Variants in RERE observed in about 807,000 individuals in gnomAD.
RERE encodes arginine-glutamic acid dipeptide repeats protein.
RERE carries 40 observed loss-of-function variants against 146.1 expected under a neutral mutation model. The ratio of observed to expected loss-of-function variants is 0.27; its 90% CI spans 0.21 to 0.36. RERE has a LOEUF of 0.36. RERE is among the 10% of genes least tolerant of loss of function. The pLI, the probability that RERE is intolerant of heterozygous loss-of-function variation, is 1.00. For synonymous variants in RERE, 1,003 were observed against 866.0 expected, an observed-to-expected ratio of 1.16 and a Z score of -2.78; for missense variants, 1,933 against 2,138.7, an observed-to-expected ratio of 0.90 and a Z score of 1.90.
intron 11 of RERE, among the ~76,000 whole-genome samples, chr1:8,436,089 G>C (rs571949001): frequency 6.6e-6 from 1 of 152,318 alleles, no homozygotes; most frequent in Non-Finnish European, 1.5e-5. Context: ...GGGAGGCTGA[G>C]GCAGGCAGAT....
At chr1:8,526,145 A>G (rs1006058708) in intron 7 of RERE, 11 of 883,650 alleles carry the variant, frequency 1.2e-5, no homozygotes, top group Non-Finnish European at 1.4e-5. Flanking sequence ...AAGGGGATCC[A>G]AGACAGCCAA....
At chr1:8,373,937 C>T (rs1411438022) in intron 12 of RERE, among the ~76,000 whole-genome samples, 1 of 152,234 alleles carries the variant, frequency 6.6e-6, no homozygotes, top group African/African-American at 2.4e-5. Flanking sequence ...TGGGCTCCTT[C>T]TTTTGTTAAC....
At position 8,805,015 on chromosome 1, in the gene RERE, T is replaced by G. The variant is rs541244408; in HGVS notation, c.-145+12145A>C. Among the ~76,000 whole-genome samples, 289 of 142,034 alleles carry G rather than the reference T, an allele frequency of 2.0e-3. 5 individuals carry two copies. Among genetic ancestry groups the G allele is most frequent in the African/African-American group, 6.5e-3 (251 of 38,642 alleles). 93.2% of individuals were successfully genotyped at this position (142,034 alleles called of 152,430 possible). ...TGTTTTGTTTTGTTTTTGGTTTTTTTTTTTTTTTTTTTTGAGACAGAGTCT... is the reference window on the plus strand; with the variant it reads ...TGTTTTGTTTTGTTTTTGGTTTTTTGTTTTTTTTTTTTTGAGACAGAGTCT... On this transcript the variant is annotated intron_variant, in intron 1 of 22. Coordinates refer to ENST00000400908, the MANE Select transcript of RERE (RefSeq NM_001042681.2).
chr1:8,441,388 C>T (rs1190217253), intron 11 of RERE, among the ~76,000 whole-genome samples: 1 of 152,212 alleles, frequency 6.6e-6, no homozygotes, highest in Non-Finnish European at 1.5e-5. Flanking sequence ...GCCCCCCTCT[C>T]ACTTCACAAA....
At chr1:8,415,682 G>C (rs988854134) in intron 12 of RERE, among the ~76,000 whole-genome samples, 3 of 152,184 alleles carry the variant, frequency 2.0e-5, no homozygotes, top group African/African-American at 7.2e-5. Context: ...ACTTACACAA[G>C]GGAATATCAG....
intron 1 of RERE, among the ~76,000 whole-genome samples, chr1:8,726,415 A>G (rs1639970972): frequency 6.6e-6 from 1 of 151,960 alleles, no homozygotes; most frequent in Non-Finnish European, 1.5e-5. Flanking sequence ...GGCCTCCCAA[A>G]GTGCTGGGGT....
In RERE at chr1:8,354,762, C is replaced by T; in HGVS notation, c.*325G>A. On this transcript the variant is annotated 3_prime_UTR_variant, in exon 23 of 23. Transcript: ENST00000400908. ...CACAGTGAAGGGTGTGAACTGGATT[C>T]TAGCACCTACTGAGAAATCAAGGAA... is the stretch of plus-strand genomic sequence containing the variant. The T allele has an allele frequency of 2.9e-6, 1 of 346,282 alleles. No individual in the cohort carries two copies. The highest frequency in any genetic ancestry group is 5.2e-6 in the Non-Finnish European group (1 of 192,772). 21.5% of individuals were successfully genotyped at this position (346,282 alleles called of 1,614,324 possible). A position where few individuals can be genotyped will look rare whatever the true frequency, so the allele number is the denominator to read the frequency against.
intron 12 of RERE, among the ~76,000 whole-genome samples, chr1:8,415,913 GT>G (rs1455415503): frequency 1.3e-5 from 2 of 152,200 alleles, no homozygotes; most frequent in Non-Finnish European, 2.9e-5. Flanking sequence ...AATTCCAACT[GT>G]TTATATCTAT....
intron 12 of RERE, among the ~76,000 whole-genome samples, chr1:8,399,117 A>G (rs899492931): frequency 1.3e-5 from 2 of 151,740 alleles, no homozygotes; most frequent in African/African-American, 4.8e-5. Flanking sequence ...CAAGTTCTTC[A>G]TGCATTCTAG....
chr1:8,669,024 C>CTGTGTGTGTG lies in RERE; in HGVS notation c.-144-12593_-144-12584dup, dbSNP rs59647434. ...TGAATATTCTAAAATGCACTCAACT[C>CTGTGTGTGTG]TGTGTGTGTGTGTGTGTGTGTGTGT... On this transcript the variant is annotated intron_variant, in intron 1 of 22. Transcript: ENST00000400908. Among the ~76,000 whole-genome samples, 128 of 43,810 alleles carry CTGTGTGTGTG rather than the reference C, an allele frequency of 2.9e-3. 2 individuals carry two copies. Among genetic ancestry groups the CTGTGTGTGTG allele is most frequent in the South Asian group, 5.6e-3 (7 of 1,242 alleles). 28.7% of individuals were successfully genotyped at this position (43,810 alleles called of 152,430 possible). A position where few individuals can be genotyped will look rare whatever the true frequency, so the allele number is the denominator to read the frequency against.
At position 8,645,651 on chromosome 1, in the gene RERE, C is replaced by T. The variant is rs373663743; in HGVS notation, c.325+10322G>A. Among the ~76,000 whole-genome samples the T allele has an allele frequency of 1.1e-4, 17 of 152,272 alleles. No individual in the cohort carries two copies. In the East Asian group the frequency reaches 2.7e-3, roughly 24 times the overall value. On this transcript the variant is annotated intron_variant, in intron 2 of 22. Coordinates refer to ENST00000400908, the MANE Select transcript of RERE (RefSeq NM_001042681.2). ...ACTCCCATGGGATGCCAATCTGTGG[C>T]CAATGCTTGGTGCAGAGAACAACTA...
At chr1:8,559,489 T>C (rs1470600802) in intron 4 of RERE, among the ~76,000 whole-genome samples, 1 of 151,974 alleles carries the variant, frequency 6.6e-6, no homozygotes, top group Non-Finnish European at 1.5e-5. Flanking sequence ...TTTATGCCTT[T>C]ATATTAAAAT....
chr1:8,809,927 A>C (rs1641771809), intron 1 of RERE, among the ~76,000 whole-genome samples: 1 of 152,236 alleles, frequency 6.6e-6, no homozygotes, highest in Admixed American at 6.5e-5. Flanking sequence ...AGTGGTAGGA[A>C]ATAAAAGTGG....
chr1:8,410,231 G>A (rs781070830), intron 12 of RERE, among the ~76,000 whole-genome samples: 12 of 152,152 alleles, frequency 7.9e-5, no homozygotes, highest in South Asian at 2.1e-4. Context: ...TGGGGGACAC[G>A]GCTGGGGCCA....
intron 10 of RERE, among the ~76,000 whole-genome samples, chr1:8,492,594 C>T (rs922698738): frequency 2.7e-5 from 4 of 150,808 alleles, no homozygotes; most frequent in Non-Finnish European, 5.9e-5. Flanking sequence ...GATGTCTCTA[C>T]AAAAAAAATA....
intron 6 of RERE, among the ~76,000 whole-genome samples, chr1:8,553,201 C>T (rs1285360019): frequency 1.3e-5 from 2 of 151,984 alleles, no homozygotes; most frequent in Non-Finnish European, 2.9e-5. Flanking sequence ...TGCGTCCACA[C>T]ACACGTGCAA....
chr1:8,684,922 A>C (rs1046236955), intron 1 of RERE, among the ~76,000 whole-genome samples: 5 of 152,212 alleles, frequency 3.3e-5, no homozygotes, highest in African/African-American at 1.2e-4. Flanking sequence ...GCAGTGCACG[A>C]TCATGGCTCA....
chr1:8,711,277 A>C (rs1471645278), intron 1 of RERE, among the ~76,000 whole-genome samples: 1 of 151,992 alleles, frequency 6.6e-6, no homozygotes, highest in Non-Finnish European at 1.5e-5. Flanking sequence ...AAAACAAAAA[A>C]TACAACTTTC....
At chr1:8,694,238 C>T (rs2124424396) in intron 1 of RERE, among the ~76,000 whole-genome samples, 1 of 152,240 alleles carries the variant, frequency 6.6e-6, no homozygotes, top group Admixed American at 6.5e-5. Context: ...CCTGAAGACG[C>T]CATCAAAAGA....
Sources: allele counts gnomAD v4.1 joint callset (sites outside exome capture counted in the v4.1 genomes callset), GRCh38; gene constraint gnomAD v4.1.1; transcripts MANE v1.5; gene names NCBI Gene and HGNC (gene_info 2026-07-23, HGNC 2026-07-21).